The following SMYD3 variants were observed in gnomAD, a reference collection of about 807,000 sequenced individuals.
SMYD3 encodes the protein SET and MYND domain containing 3.
SMYD3 carries 36 observed loss-of-function variants against 57.7 expected under a neutral mutation model. That is an observed-to-expected ratio of 0.62 (90% CI 0.48 to 0.82). The LOEUF is 0.82. Ranked by LOEUF, SMYD3 falls within the 40% of genes least tolerant of loss-of-function variation. SMYD3 has a pLI of 0.00. For missense variants in SMYD3, 515 were observed against 538.8 expected (o/e 0.96, Z 0.44); for synonymous variants, 211 against 195.0 (o/e 1.08, Z -0.68).
chr1:246,416,778 C>T (rs893202646), intron 1 of SMYD3, among the ~76,000 whole-genome samples: 1 of 152,008 alleles, frequency 6.6e-6, no homozygotes, highest in Admixed American at 6.6e-5. Context: ...TGCCTCAGAA[C>T]CAAGGACTCT....
intron 8 of SMYD3, among the ~76,000 whole-genome samples, chr1:245,867,682 ACACACACT>A (rs2051953367): frequency 2.6e-5 from 4 of 151,882 alleles, no homozygotes; most frequent in Non-Finnish European, 4.4e-5. Context: ...ACACACACAC[ACACACACT>A]CACACACACA....
intron 5 of SMYD3, among the ~76,000 whole-genome samples, chr1:246,068,830 T>C (rs1020098278): frequency 3.9e-5 from 6 of 152,204 alleles, no homozygotes; most frequent in Admixed American, 1.3e-4. Context: ...GCCATCCTTT[T>C]GCAAAGCCAT....
intron 5 of SMYD3, among the ~76,000 whole-genome samples, chr1:245,982,050 G>A (rs2058608748): frequency 6.6e-6 from 1 of 152,216 alleles, no homozygotes; most frequent in Admixed American, 6.5e-5. Flanking sequence ...ACATAGCCCA[G>A]AGACATTCTC....
rs199731110 is a variant in SMYD3, at chr1:246,335,472, T to C, written c.231A>G (p.Lys77=). ...CCCGCTTGTGGTCTGGCCAAGCTTT[T>C]TTCTATTAAAACAAGAGTGGGGAGA... ...VAKYCSAKCQ[K]KAWPDHKREC... The change falls in exon 3 of 12, where the codon AAA becomes AAG. Residue 77 remains lysine, a splice_region_variant and synonymous_variant. Coordinates refer to ENST00000490107, the MANE Select transcript of SMYD3 (RefSeq NM_001167740.2). The C allele has an allele frequency of 1.9e-6, 3 of 1,614,070 alleles. No individual in the cohort carries two copies. The highest frequency in any genetic ancestry group is 2.2e-5 in the East Asian group (1 of 44,882).
chr1:246,364,460 G>C (rs540824793), intron 1 of SMYD3, among the ~76,000 whole-genome samples: 1 of 152,258 alleles, frequency 6.6e-6, no homozygotes, highest in East Asian at 1.9e-4. Context: ...ATTTGAAACA[G>C]TTCTGTATAA....
Position 246,492,684 on chromosome 1 carries a change from C to T in SMYD3, c.164+14370G>A, listed in dbSNP as rs74155521. Reference sequence around the variant, plus strand: ...GCAAAATCTTCAGCTAGGAGACTTTCAATCTATGATCCTCTGAGGATGCCT... The same window carrying T: ...GCAAAATCTTCAGCTAGGAGACTTTTAATCTATGATCCTCTGAGGATGCCT... On this transcript the variant is annotated intron_variant, in intron 1 of 11. Coordinates refer to ENST00000490107, the MANE Select transcript of SMYD3 (RefSeq NM_001167740.2). 2.2e-3 allele frequency among the ~76,000 whole-genome samples: 331 copies of T among 152,340 alleles called. 3 individuals carry two copies. Among genetic ancestry groups the T allele is most frequent in the African/African-American group, 7.6e-3 (317 of 41,570 alleles).
intron 5 of SMYD3, among the ~76,000 whole-genome samples, chr1:246,083,409 A>T (rs1572995520): frequency 6.6e-6 from 1 of 151,930 alleles, no homozygotes; most frequent in South Asian, 2.1e-4. Context: ...TTTCCTGCAG[A>T]CCCTCTCCCC....
chr1:245,782,656 TACTC>T (rs748187058), intron 10 of SMYD3, among the ~76,000 whole-genome samples: 75 of 152,348 alleles, frequency 4.9e-4, no homozygotes, highest in African/African-American at 1.6e-3. Context: ...TTAAACTAGA[TACTC>T]ACAGTCAAAA....
At chr1:245,961,620 AT>A (rs982831340) in intron 5 of SMYD3, among the ~76,000 whole-genome samples, 2 of 151,854 alleles carry the variant, frequency 1.3e-5, no homozygotes, top group African/African-American at 4.8e-5. Context: ...ATATAATTCC[AT>A]TTTTTTTCCC....
intron 5 of SMYD3, among the ~76,000 whole-genome samples, chr1:246,303,620 G>C (rs1055077806): frequency 7.2e-5 from 11 of 152,024 alleles, no homozygotes; most frequent in African/African-American, 2.4e-4. Context: ...AATCTATGAA[G>C]AACCCAAAGA....
intron 5 of SMYD3, chr1:246,035,234 A>G (rs1041687991): frequency 2.6e-5 from 4 of 152,232 alleles, no homozygotes; most frequent in Non-Finnish European, 5.9e-5. Context: ...AAAACCTGGC[A>G]ATTTGCCATG....
intron 1 of SMYD3, among the ~76,000 whole-genome samples, chr1:246,431,650 T>C (rs1437378536): frequency 1.3e-5 from 2 of 152,200 alleles, no homozygotes; most frequent in Non-Finnish European, 2.9e-5. Context: ...CAGAATCGCT[T>C]GAACCCAGGA....
intron 1 of SMYD3, among the ~76,000 whole-genome samples, chr1:246,368,043 C>G (rs1206285464): frequency 6.6e-6 from 1 of 152,206 alleles, no homozygotes; most frequent in Non-Finnish European, 1.5e-5. Flanking sequence ...TAAGTCCTCT[C>G]TTCTGGGTAT....
intron 5 of SMYD3, among the ~76,000 whole-genome samples, chr1:246,226,035 T>C (rs1402901151): frequency 6.6e-6 from 1 of 152,226 alleles, no homozygotes; most frequent in East Asian, 1.9e-4. Flanking sequence ...GTTTCCATAA[T>C]ATGTTTACTT....
At chr1:246,093,102 C>T (rs1366843995) in intron 5 of SMYD3, among the ~76,000 whole-genome samples, 2 of 151,890 alleles carry the variant, frequency 1.3e-5, no homozygotes, top group South Asian at 2.1e-4. Context: ...TTAAAAAAGA[C>T]GAAAAAGAAC....
intron 5 of SMYD3, among the ~76,000 whole-genome samples, chr1:246,223,503 C>A (rs2063285896): frequency 6.6e-6 from 1 of 152,098 alleles, no homozygotes; most frequent in African/African-American, 2.4e-5. Context: ...GGACCTCTTG[C>A]TTTAGGGAGG....
chr1:246,004,146 A>G (rs1175381461), intron 5 of SMYD3, among the ~76,000 whole-genome samples: 2 of 152,226 alleles, frequency 1.3e-5, no homozygotes, highest in African/African-American at 4.8e-5. Context: ...CGGTACGCAA[A>G]ATGGCCAGCA....
chr1:246,152,231 C>T (rs2061951735), intron 5 of SMYD3, among the ~76,000 whole-genome samples: 2 of 152,172 alleles, frequency 1.3e-5, no homozygotes. Flanking sequence ...GCCTGGGACA[C>T]CTGGCGTCTG....
At chr1:246,004,099 C>T (rs938459284) in intron 5 of SMYD3, among the ~76,000 whole-genome samples, 2 of 152,136 alleles carry the variant, frequency 1.3e-5, no homozygotes, top group African/African-American at 4.8e-5. Context: ...ATGAGCCTAC[C>T]GACTTCATAG....
Sources: gnomAD v4.1 joint callset for allele counts (sites outside exome capture counted in the v4.1 genomes callset) on GRCh38, gnomAD v4.1.1 for gene constraint, MANE v1.5 for transcripts, NCBI Gene and HGNC (gene_info 2026-07-23, HGNC 2026-07-21) for gene names.